Variants in SLC12A7 observed in about 807,000 individuals in gnomAD.
SLC12A7 encodes K-Cl cotransporter 4.
Under a neutral mutation model 120.6 loss-of-function variants are expected in SLC12A7, and 100 were observed. The observed-to-expected ratio is 0.83, with a 90% CI of 0.71 to 0.98. SLC12A7 has a LOEUF of 0.98. SLC12A7 is among the 50% of genes least tolerant of loss of function. SLC12A7 has a pLI of 0.00. For missense variants in SLC12A7, 1,373 were observed against 1,548.1 expected (o/e 0.89, Z 1.90); for synonymous variants, 760 against 678.0 (o/e 1.12, Z -1.88).
the SLC12A7 span, among the ~76,000 whole-genome samples, chr5:1,130,619 G>GCGGCTGCACACGCGTGTCCCCTCACCTCC: frequency 6.6e-6 from 1 of 150,594 alleles, no homozygotes. Context: ...CTTAGCCAGG[G>GCGGCTGCACACGCGTGTCCCCTCACCTCC]TGGGGGCAGC....
chr5:1,077,883 G>A lies in SLC12A7; in HGVS notation c.1579C>T (p.Pro527Ser), dbSNP rs755448319. 2 of 1,598,156 alleles carry A rather than the reference G, an allele frequency of 1.3e-6. No individual in the cohort carries two copies. Among genetic ancestry groups the A allele is most frequent in the South Asian group, 2.3e-5 (2 of 88,698 alleles). Residue 527 changes from proline (P) to serine (S), a missense_variant, in exon 12 of 24, where the codon CCG (proline) becomes TCG (serine). Physicochemically the swap from Pro to Ser is moderately conservative, Grantham distance 74. Coordinates refer to ENST00000264930, the MANE Select transcript of SLC12A7 (RefSeq NM_006598.3). ...GAGLQSLTGA[P>S]RLLQAIARDG... ...CGGGCAATGGCCTGCAGTAGGCGCG[G>A]TGCCCCCGTGAGGCTCTGCAGGCCG...
At chr5:1,136,005 C>T in the SLC12A7 span, among the ~76,000 whole-genome samples, 2 of 152,296 alleles carry the variant, frequency 1.3e-5, no homozygotes, top group South Asian at 2.1e-4. Context: ...ATCTCCAGGC[C>T]TGGCTCGGGT....
the SLC12A7 span, among the ~76,000 whole-genome samples, chr5:1,149,141 G>A: frequency 6.7e-6 from 1 of 150,264 alleles, no homozygotes; most frequent in Non-Finnish European, 1.5e-5. Context: ...GCCGCACCCA[G>A]AAGGGGGACT....
At chr5:1,150,332 A>G in the SLC12A7 span, among the ~76,000 whole-genome samples, 1 of 137,462 alleles carries the variant, frequency 7.3e-6, no homozygotes, top group Non-Finnish European at 1.5e-5. Flanking sequence ...CCATGCACAC[A>G]CACCTGCCCC....
At chr5:1,069,219 T>TGGCGGGAGC (rs1034601242) in intron 17 of SLC12A7, among the ~76,000 whole-genome samples, 3 of 152,358 alleles carry the variant, frequency 2.0e-5, no homozygotes, top group African/African-American at 4.8e-5. Context: ...GTGGCCAACG[T>TGGCGGGAGC]GGCGGGAGCG....
intron 20 of SLC12A7, among the ~76,000 whole-genome samples, chr5:1,063,598 C>T (rs1477197205): frequency 1.3e-5 from 2 of 151,940 alleles, no homozygotes; most frequent in Non-Finnish European, 2.9e-5. Flanking sequence ...CCGCCACAAT[C>T]GCCACCACCT....
chr5:1,093,913 G>A (rs560245931), intron 2 of SLC12A7, among the ~76,000 whole-genome samples: 3 of 152,242 alleles, frequency 2.0e-5, no homozygotes, highest in South Asian at 2.1e-4. Flanking sequence ...AGGGGTTCCC[G>A]TGGGGCCGGA....
chr5:1,130,504 G>A, the SLC12A7 span, among the ~76,000 whole-genome samples: 47 of 147,962 alleles, frequency 3.2e-4, no homozygotes, highest in East Asian at 7.0e-3. Flanking sequence ...CCCTGCCCAC[G>A]GCTGCACACG....
At chr5:1,134,229 G>A in the SLC12A7 span, among the ~76,000 whole-genome samples, 1 of 152,168 alleles carries the variant, frequency 6.6e-6, no homozygotes. Flanking sequence ...CAGCACTTTT[G>A]GAGGCCAAGG....
At chr5:1,079,533 G>A (rs761677535) in intron 9 of SLC12A7, 37 bp from the exon 10 acceptor site, 1 of 1,539,432 alleles carries the variant, frequency 6.5e-7, no homozygotes. Context: ...ACCCATCTGA[G>A]GAGTCAGTGC....
intron 1 of SLC12A7, among the ~76,000 whole-genome samples, chr5:1,108,387 T>A (rs1329609560): frequency 6.6e-6 from 1 of 152,218 alleles, no homozygotes. Flanking sequence ...ATACACAAAA[T>A]GCATGTCTTG....
chr5:1,134,961 T>C, the SLC12A7 span, among the ~76,000 whole-genome samples: 1 of 152,098 alleles, frequency 6.6e-6, no homozygotes, highest in East Asian at 1.9e-4. Context: ...ACCCCGTCTC[T>C]ACCAAAAATA....
chr5:1,123,468 C>A, the SLC12A7 span, among the ~76,000 whole-genome samples: 1 of 152,182 alleles, frequency 6.6e-6, no homozygotes, highest in Non-Finnish European at 1.5e-5. Flanking sequence ...GGCAAAAGAA[C>A]CCCCAGATAA....
chr5:1,139,277 C>A, the SLC12A7 span, among the ~76,000 whole-genome samples: 1 of 152,266 alleles, frequency 6.6e-6, no homozygotes, highest in East Asian at 1.9e-4. Flanking sequence ...CTGGTAACAG[C>A]ATCTCCCCAG....
At chr5:1,052,804 C>T (rs940271558) in intron 23 of SLC12A7, among the ~76,000 whole-genome samples, 10 of 152,212 alleles carry the variant, frequency 6.6e-5, no homozygotes, top group African/African-American at 1.9e-4. Flanking sequence ...CCGATCAGGA[C>T]GCATGGAGGA....
chr5:1,097,551 G>A (rs568027519), intron 1 of SLC12A7, among the ~76,000 whole-genome samples: 35 of 152,342 alleles, frequency 2.3e-4, no homozygotes, highest in Non-Finnish European at 4.4e-4. Context: ...AGATCCCTGC[G>A]TCTGACTGTG....
intron 20 of SLC12A7, among the ~76,000 whole-genome samples, chr5:1,061,797 AAG>A (rs1491455305): frequency 0.019 from 1,064 of 55,156 alleles, 2 homozygotes; most frequent in African/African-American, 0.026. Context: ...TAAAAATACA[AAG>A]AAAAAAAAAA....
At chr5:1,101,393 G>A (rs983283524) in intron 1 of SLC12A7, among the ~76,000 whole-genome samples, 1 of 152,172 alleles carries the variant, frequency 6.6e-6, no homozygotes, top group African/African-American at 2.4e-5. Flanking sequence ...GACTGACAGC[G>A]TCTGGCCAGC....
chr5:1,087,074 T>G (rs1280420124), intron 5 of SLC12A7, 41 bp from the exon 6 acceptor site: 1 of 1,580,454 alleles, frequency 6.3e-7, no homozygotes, highest in Non-Finnish European at 8.6e-7. Flanking sequence ...AGGGGCGCAC[T>G]TGGACTCGGA....
Sources: allele counts gnomAD v4.1 joint callset (sites outside exome capture counted in the v4.1 genomes callset), GRCh38; gene constraint gnomAD v4.1.1; transcripts MANE v1.5; gene names NCBI Gene and HGNC (gene_info 2026-07-23, HGNC 2026-07-21).